ANKS1B: variants seen among roughly 807,000 people sequenced by gnomAD.
The protein encoded by ANKS1B is ankyrin repeat and sterile alpha motif domain-containing protein 1B.
Under a neutral mutation model 148.3 loss-of-function variants are expected in ANKS1B, and 36 were observed. The ratio of observed to expected loss-of-function variants is 0.24; its 90% CI spans 0.19 to 0.32. The LOEUF is 0.32. Ranked by LOEUF, ANKS1B falls within the 10% of genes least tolerant of loss-of-function variation. The pLI, the probability that ANKS1B is intolerant of heterozygous loss-of-function variation, is 1.00. For synonymous variants in ANKS1B, 542 were observed against 560.8 expected (o/e 0.97, Z 0.47); for missense variants, 1,157 against 1,542.6 (o/e 0.75, Z 4.19).
chr12:99,786,143 G>A (rs1379888446), intron 4 of ANKS1B, among the ~76,000 whole-genome samples: 1 of 151,894 alleles, frequency 6.6e-6, no homozygotes, highest in East Asian at 1.9e-4. Flanking sequence ...ACAAAATTTT[G>A]GACTTGATTT....
intron 17 of ANKS1B, among the ~76,000 whole-genome samples, chr12:98,945,233 T>C (rs1192750016): frequency 6.6e-6 from 1 of 152,170 alleles, no homozygotes; most frequent in African/African-American, 2.4e-5. Context: ...TGTTGGCTTC[T>C]GCCTATAATC....
At chr12:99,941,543 C>G (rs1188814196) in intron 1 of ANKS1B, among the ~76,000 whole-genome samples, 19 of 152,054 alleles carry the variant, frequency 1.2e-4, no homozygotes, top group Non-Finnish European at 8.8e-5. Flanking sequence ...CCACAAACAT[C>G]TTTTGAGCAA....
At chr12:99,212,086 T>G (rs1330709181) in intron 14 of ANKS1B, among the ~76,000 whole-genome samples, 1 of 152,210 alleles carries the variant, frequency 6.6e-6, no homozygotes, top group Non-Finnish European at 1.5e-5. Flanking sequence ...ATACTGATTT[T>G]GTCTAATGTG....
chr12:99,048,919 G>C (rs2099964185), intron 17 of ANKS1B: 1 of 152,210 alleles, frequency 6.6e-6, no homozygotes, highest in African/African-American at 2.4e-5. Flanking sequence ...CTCAGAGGTG[G>C]TATCTAGCTG....
rs143226518 is a variant in ANKS1B at position 99,141,447 on chromosome 12, G to A, written c.2526+12842C>T. ...TCAACTTTTATTTTAAGTTCCTAGG[G>A]TATATGTATAGGATGTGCAGGTTTG... On this transcript the variant is annotated intron_variant, in intron 15 of 26. Coordinates refer to ENST00000683438, the MANE Select transcript of ANKS1B (RefSeq NM_001352186.2). Among the ~76,000 whole-genome samples, 544 of 149,212 alleles carry A rather than the reference G, an allele frequency of 3.6e-3. 5 individuals are homozygous for A. The highest frequency in any genetic ancestry group is 0.013 in the African/African-American group (512 of 40,432).
intron 12 of ANKS1B, 132 bp from the exon 13 acceptor site, chr12:99,246,996 T>C: frequency 1.4e-6 from 1 of 718,776 alleles, no homozygotes; most frequent in Non-Finnish European, 2.3e-6. Context: ...CTTCACTTTA[T>C]GAAATACCCC....
chr12:99,890,451 C>G (rs2093034887), intron 1 of ANKS1B, among the ~76,000 whole-genome samples: 1 of 152,154 alleles, frequency 6.6e-6, no homozygotes. Context: ...AGGACTGCAA[C>G]ATCAACTCTT....
intron 17 of ANKS1B, among the ~76,000 whole-genome samples, chr12:99,015,604 T>C (rs914290100): frequency 4.6e-5 from 7 of 152,176 alleles, no homozygotes; most frequent in African/African-American, 1.2e-4. Flanking sequence ...CAGTGGCTCA[T>C]GCCTGTAATC....
In ANKS1B at chr12:99,453,441, C is replaced by G. The variant is rs139930022; in HGVS notation, c.1439-9632G>C. On this transcript the variant is annotated intron_variant, in intron 10 of 26. Transcript: ENST00000683438. ...AGCAAGTAACCACATTGTGAACAAC[C>G]TTATGCAAAGGCCTACGTGGCATGG... 8.4e-4 allele frequency among the ~76,000 whole-genome samples: 128 copies of G among 152,308 alleles called. 1 individual carries two copies. Among genetic ancestry groups the G allele is most frequent in the African/African-American group, 2.9e-3 (122 of 41,566 alleles).
intron 9 of ANKS1B, among the ~76,000 whole-genome samples, chr12:99,533,217 T>C (rs1346794072): frequency 6.6e-6 from 1 of 152,246 alleles, no homozygotes. Flanking sequence ...TGGTGTTTTG[T>C]AGTTCTCCTT....
intron 1 of ANKS1B, among the ~76,000 whole-genome samples, chr12:99,872,643 C>T (rs765786229): frequency 1.2e-4 from 19 of 152,096 alleles, no homozygotes; most frequent in Admixed American, 1.3e-4. Context: ...TTCTGAAATG[C>T]TAAAAACAAT....
At chr12:99,310,526 C>T (rs2638574) in intron 12 of ANKS1B, among the ~76,000 whole-genome samples, 152,164 of 152,268 alleles carry the variant, frequency 1, 76,030 homozygotes, top group Middle Eastern at 1. Context: ...TGACTACCTT[C>T]GGATTGAGAC....
At chr12:99,837,266 C>T (rs1263173316) in intron 1 of ANKS1B, among the ~76,000 whole-genome samples, 1 of 152,086 alleles carries the variant, frequency 6.6e-6, no homozygotes, top group Admixed American at 6.6e-5. Context: ...GCAGCCCTGC[C>T]CACACCTTGA....
chr12:99,463,154 CAAAAG>C (rs1567149859), intron 10 of ANKS1B, among the ~76,000 whole-genome samples: 1 of 152,204 alleles, frequency 6.6e-6, no homozygotes, highest in African/African-American at 2.4e-5. Context: ...AGGCACTTCA[CAAAAG>C]AAAAGTACAA....
chr12:98,759,169 G>T (rs56408685), intron 25 of ANKS1B, among the ~76,000 whole-genome samples: 4,038 of 152,224 alleles, frequency 0.027, 126 homozygotes, highest in South Asian at 0.076. Context: ...AGGCAATCAA[G>T]GGATGCAAAC....
intron 1 of ANKS1B, among the ~76,000 whole-genome samples, chr12:99,831,828 A>AAT (rs2084058981): frequency 6.6e-6 from 1 of 152,224 alleles, no homozygotes; most frequent in South Asian, 2.1e-4. Context: ...ACAATGGCTC[A>AAT]ATATATGTGA....
intron 17 of ANKS1B, among the ~76,000 whole-genome samples, chr12:99,019,079 A>T (rs984850234): frequency 6.6e-6 from 1 of 152,218 alleles, no homozygotes; most frequent in Non-Finnish European, 1.5e-5. Context: ...CTGTTTTGTC[A>T]CAAGTGCTCT....
At chr12:98,880,944 G>C (rs746655482) in intron 17 of ANKS1B, among the ~76,000 whole-genome samples, 2 of 151,484 alleles carry the variant, frequency 1.3e-5, no homozygotes, top group African/African-American at 4.8e-5. Context: ...ATTACAAACC[G>C]AAAAAAAATT....
intron 9 of ANKS1B, among the ~76,000 whole-genome samples, chr12:99,558,656 C>T (rs2097302654): frequency 6.6e-6 from 1 of 152,148 alleles, no homozygotes; most frequent in Non-Finnish European, 1.5e-5. Context: ...GTTGGGCTTG[C>T]CAGGCTGCAC....
Sources: allele counts gnomAD v4.1 joint callset (sites outside exome capture counted in the v4.1 genomes callset), GRCh38; gene constraint gnomAD v4.1.1; transcripts MANE v1.5; gene names NCBI Gene and HGNC (gene_info 2026-07-23, HGNC 2026-07-21).